UBE2R2: variants seen among roughly 807,000 people sequenced by gnomAD.
UBE2R2 encodes ubiquitin-conjugating enzyme E2 R2.
A neutral mutation model predicts 27.8 loss-of-function variants in UBE2R2; 1 was observed. The ratio of observed to expected loss-of-function variants is 0.04; its 90% CI spans 0.01 to 0.17. UBE2R2 has a LOEUF of 0.17. Among genes scored for constraint, UBE2R2 ranks in the 10% least tolerant of loss-of-function variants. The pLI, the probability that UBE2R2 is intolerant of heterozygous loss-of-function variation, is 1.00. For missense variants in UBE2R2, 100 were observed against 291.0 expected, an observed-to-expected ratio of 0.34 and a Z score of 4.78; for synonymous variants, 106 against 113.3, an observed-to-expected ratio of 0.94 and a Z score of 0.41.
chr9:33,868,743 A>G (rs1350988563), intron 1 of UBE2R2: 2 of 152,144 alleles, frequency 1.3e-5, no homozygotes, highest in African/African-American at 4.8e-5. Context: ...AACATATCCT[A>G]TGGCAGATGT....
At chr9:33,846,163 G>A (rs886417859) in intron 1 of UBE2R2, among the ~76,000 whole-genome samples, 2 of 151,934 alleles carry the variant, frequency 1.3e-5, no homozygotes, top group South Asian at 2.1e-4. Context: ...AGGTGTGGTG[G>A]CACGAGCCTG....
chr9:33,824,220 G>A (rs1409684880), intron 1 of UBE2R2, among the ~76,000 whole-genome samples: 1 of 152,084 alleles, frequency 6.6e-6, no homozygotes, highest in African/African-American at 2.4e-5. Flanking sequence ...GGCCAGGTGT[G>A]GTGGCTCATT....
At chr9:33,841,224 C>T (rs1271853933) in intron 1 of UBE2R2, among the ~76,000 whole-genome samples, 1 of 152,092 alleles carries the variant, frequency 6.6e-6, no homozygotes, top group African/African-American at 2.4e-5. Flanking sequence ...GGATTACAGG[C>T]GTGTGCCACC....
At chr9:33,862,104 C>T (rs557774071) in intron 1 of UBE2R2, among the ~76,000 whole-genome samples, 67 of 152,080 alleles carry the variant, frequency 4.4e-4, no homozygotes, top group African/African-American at 1.5e-3. Flanking sequence ...TCACCTGCCT[C>T]GGCCTCCCAA....
chr9:33,836,167 G>T (rs764500097), intron 1 of UBE2R2, among the ~76,000 whole-genome samples: 3 of 152,054 alleles, frequency 2.0e-5, no homozygotes, highest in Non-Finnish European at 4.4e-5. Flanking sequence ...TTAGCTGGGC[G>T]TGGTGGGAGG....
chr9:33,869,938 C>G (rs1427772802), intron 1 of UBE2R2, among the ~76,000 whole-genome samples: 1 of 152,096 alleles, frequency 6.6e-6, no homozygotes, highest in Admixed American at 6.6e-5. Context: ...CATCCGCCTC[C>G]TGGGTTCAAG....
chr9:33,873,626 A>G (rs906001076), intron 1 of UBE2R2, among the ~76,000 whole-genome samples: 5 of 152,172 alleles, frequency 3.3e-5, no homozygotes, highest in African/African-American at 1.2e-4. Context: ...AATGAAAAAT[A>G]TCCTGTAATT....
At chr9:33,905,997 C>T (rs1341798959) in intron 3 of UBE2R2, among the ~76,000 whole-genome samples, 1 of 152,198 alleles carries the variant, frequency 6.6e-6, no homozygotes, top group Admixed American at 6.5e-5. Context: ...ATATCTAAAT[C>T]AATCTGCGTG....
intron 1 of UBE2R2, among the ~76,000 whole-genome samples, chr9:33,875,643 C>A (rs570694922): frequency 6.6e-6 from 1 of 152,178 alleles, no homozygotes; most frequent in African/African-American, 2.4e-5. Context: ...CTCATGATAA[C>A]TCCCTAGGGT....
rs1170668920 is a variant in UBE2R2 at position 33,917,477 on chromosome 9, A to G, written c.*240A>G. ...TTGCATTCTTTACCCTTCCATCACT[A>G]TATTGATTCTTTTTTTAAAAAATAT... On this transcript the variant is annotated 3_prime_UTR_variant, in exon 5 of 5. Coordinates refer to ENST00000263228, the MANE Select transcript of UBE2R2 (RefSeq NM_017811.4). The G allele has an allele frequency of 6.9e-6, 4 of 582,922 alleles. No homozygotes were observed. In the East Asian group the frequency reaches 8.8e-5, roughly 13 times the overall value. 36.1% of individuals were successfully genotyped at this position (582,922 alleles called of 1,614,324 possible). A position where few individuals can be genotyped will look rare whatever the true frequency, so the allele number is the denominator to read the frequency against.
intron 1 of UBE2R2, among the ~76,000 whole-genome samples, chr9:33,849,557 G>A (rs183390954): frequency 2.6e-5 from 4 of 151,808 alleles, no homozygotes; most frequent in Admixed American, 2.6e-4. Flanking sequence ...CTGCCTCATA[G>A]GGTTGTTTTA....
intron 1 of UBE2R2, among the ~76,000 whole-genome samples, chr9:33,870,426 A>G (rs1212645061): frequency 6.6e-6 from 1 of 152,198 alleles, no homozygotes; most frequent in African/African-American, 2.4e-5. Flanking sequence ...TACAGGCGTG[A>G]GTTACCATGC....
intron 1 of UBE2R2, among the ~76,000 whole-genome samples, chr9:33,822,299 T>C (rs1399940104): frequency 6.6e-6 from 1 of 151,674 alleles, no homozygotes; most frequent in Non-Finnish European, 1.5e-5. Context: ...CCATGTTGGT[T>C]AGGCTGGTCT....
At chr9:33,911,142 C>T (rs557948812) in intron 3 of UBE2R2, among the ~76,000 whole-genome samples, 1 of 151,758 alleles carries the variant, frequency 6.6e-6, no homozygotes, top group Non-Finnish European at 1.5e-5. Flanking sequence ...GGCGTAGTGG[C>T]TCATGCTTTT....
intron 3 of UBE2R2, among the ~76,000 whole-genome samples, chr9:33,900,951 G>C (rs146549548): frequency 0.079 from 11,999 of 151,908 alleles, 683 homozygotes; most frequent in Non-Finnish European, 0.12. Flanking sequence ...CTCTGTTTCT[G>C]TCTGTGTCTC....
At chr9:33,897,954 T>C (rs1444188060) in intron 2 of UBE2R2, among the ~76,000 whole-genome samples, 1 of 151,418 alleles carries the variant, frequency 6.6e-6, no homozygotes, top group Non-Finnish European at 1.5e-5. Context: ...TTTGTATTTT[T>C]AGTAGAGATG....
At chr9:33,909,892 C>T (rs1432886141) in intron 3 of UBE2R2, among the ~76,000 whole-genome samples, 1 of 152,160 alleles carries the variant, frequency 6.6e-6, no homozygotes, top group Non-Finnish European at 1.5e-5. Context: ...AATCATGTAA[C>T]AGAAATTCTT....
chr9:33,888,444 T>C (rs917355532), intron 2 of UBE2R2, among the ~76,000 whole-genome samples: 2 of 152,188 alleles, frequency 1.3e-5, no homozygotes, highest in Non-Finnish European at 1.5e-5. Flanking sequence ...TCAGTTCTTT[T>C]TTTTGGCCCT....
At chr9:33,852,361 A>G (rs528326516) in intron 1 of UBE2R2, among the ~76,000 whole-genome samples, 45 of 152,192 alleles carry the variant, frequency 3.0e-4, no homozygotes, top group Admixed American at 5.9e-4. Context: ...CCGGAGTTAC[A>G]GGAATCCAGC....
Sources: allele counts gnomAD v4.1 joint callset (sites outside exome capture counted in the v4.1 genomes callset), GRCh38; gene constraint gnomAD v4.1.1; transcripts MANE v1.5; gene names NCBI Gene and HGNC (gene_info 2026-07-23, HGNC 2026-07-21).